RNPC3: variants seen among roughly 807,000 people sequenced by gnomAD.
The protein encoded by RNPC3 is RNA-binding region-containing protein 3.
In RNPC3, 48 loss-of-function variants were observed where a neutral mutation model predicts 67.5. The observed-to-expected ratio is 0.71, with a 90% CI of 0.56 to 0.90. The LOEUF (loss-of-function observed/expected upper bound fraction) is 0.90, where lower values mean the gene tolerates loss of function less well. Ranked by LOEUF, RNPC3 falls within the 40% of genes least tolerant of loss-of-function variation. The probability of loss-of-function intolerance (pLI) is 0.00; values close to 1 mark genes in which losing one functional copy is unlikely to be tolerated. For missense variants in RNPC3, 637 were observed against 626.1 expected (o/e 1.02, Z -0.19); for synonymous variants, 239 against 210.3 (o/e 1.14, Z -1.18).
At chr1:103,536,669 G>C (rs539931507) in intron 6 of RNPC3, among the ~76,000 whole-genome samples, 2 of 152,162 alleles carry the variant, frequency 1.3e-5, no homozygotes, top group African/African-American at 4.8e-5. Flanking sequence ...ATGAATAATA[G>C]CAATGCAAAA....
At chr1:103,549,356 T>C (rs1021862230) in intron 12 of RNPC3, among the ~76,000 whole-genome samples, 1 of 152,222 alleles carries the variant, frequency 6.6e-6, no homozygotes, top group Non-Finnish European at 1.5e-5. Flanking sequence ...TGTATTTTTT[T>C]AGATAGGTAT....
At chr1:103,527,605 T>C in intron 1 of RNPC3, 90 bp from the exon 2 acceptor site, 1 of 899,088 alleles carries the variant, frequency 1.1e-6, no homozygotes, top group Non-Finnish European at 1.8e-6. Context: ...TTTATTAACA[T>C]GTCACATTAC....
intron 12 of RNPC3, among the ~76,000 whole-genome samples, chr1:103,550,176 AATC>A (rs1350717128): frequency 6.6e-6 from 1 of 151,826 alleles, no homozygotes; most frequent in Non-Finnish European, 1.5e-5. Context: ...AAATAATAAT[AATC>A]ATAATAATAA....
At chr1:103,546,225 T>A in intron 10 of RNPC3, 23 bp from the exon 11 acceptor site, 1 of 1,118,158 alleles carries the variant, frequency 8.9e-7, no homozygotes, top group South Asian at 2.1e-5. Flanking sequence ...ATTTTATATC[T>A]TTGTTTTTTG....
chr1:103,541,992 G>T (rs528562413), intron 8 of RNPC3, among the ~76,000 whole-genome samples: 3 of 152,058 alleles, frequency 2.0e-5, no homozygotes, highest in African/African-American at 7.2e-5. Context: ...GGACTAACCC[G>T]AGTGCCTTTA....
Position 103,525,870 on chromosome 1 carries a change from C to A in RNPC3, c.-201C>A, listed in dbSNP as rs935897647. The A allele has an allele frequency of 2.2e-5, 12 of 547,554 alleles. No individual in the cohort carries two copies. Among genetic ancestry groups the A allele is most frequent in the East Asian group, 1.8e-4 (6 of 32,582 alleles). The allele number at this position is 547,554 out of a possible 1,614,324, so 33.9% of individuals were successfully genotyped here. ...TGGAATTTAAATCATTAGCACCGCGCCCTTCCCCGAAGAGTCTTCGAAGGG... is the reference window on the plus strand; with the variant it reads ...TGGAATTTAAATCATTAGCACCGCGACCTTCCCCGAAGAGTCTTCGAAGGG... On this transcript the variant is annotated 5_prime_UTR_variant, in exon 1 of 15. Coordinates refer to ENST00000423855, the MANE Select transcript of RNPC3 (RefSeq NM_017619.4).
intron 7 of RNPC3, 115 bp from the exon 8 acceptor site, chr1:103,541,235 C>A: frequency 2.9e-6 from 2 of 701,440 alleles, no homozygotes; most frequent in Non-Finnish European, 4.3e-6. Flanking sequence ...GTAAGTAAAT[C>A]ATTTTATAAT....
chr1:103,534,995 G>T, intron 4 of RNPC3, 138 bp downstream of exon 4: 1 of 541,626 alleles, frequency 1.8e-6, no homozygotes, highest in Non-Finnish European at 3.2e-6. Flanking sequence ...GTTATATACA[G>T]ATATCTTATT....
At position 103,541,964 on chromosome 1, in the gene RNPC3, A is replaced by G. The variant is rs142023369; in HGVS notation, c.893+489A>G. ...GTACCCAGCAGATAAAAATTCACAT[A>G]TCTTTACTTGGCACACAGGACTAAC... On this transcript the variant is annotated intron_variant, in intron 8 of 14. Coordinates refer to ENST00000423855, the MANE Select transcript of RNPC3 (RefSeq NM_017619.4). 3.4e-3 allele frequency among the ~76,000 whole-genome samples: 515 copies of G among 152,156 alleles called. 1 individual carries two copies. The highest frequency in any genetic ancestry group is 5.4e-3 in the Non-Finnish European group (367 of 67,890).
intron 12 of RNPC3, among the ~76,000 whole-genome samples, chr1:103,550,516 C>G (rs1651362315): frequency 6.6e-6 from 1 of 151,764 alleles, no homozygotes; most frequent in East Asian, 2.0e-4. Flanking sequence ...TGGCGGACAC[C>G]TGGAGCCCCA....
intron 3 of RNPC3, among the ~76,000 whole-genome samples, chr1:103,534,131 A>G (rs1650929326): frequency 6.6e-6 from 1 of 152,050 alleles, no homozygotes; most frequent in African/African-American, 2.4e-5. Context: ...ATGGAGGGAA[A>G]ATAACTAGTA....
Position 103,527,719 on chromosome 1 carries a change from C to T in RNPC3, c.217C>T (p.Pro73Ser), listed in dbSNP as rs1650753150. ...GAAACATACAGCTTTTGCCACATTC[C>T]CTAATGAAAAAGCAGCTATAAAGGT... ...RLKHTAFATFPNEKAAIKALT... is the reference protein window; with the variant it reads ...RLKHTAFATFSNEKAAIKALT... Residue 73 changes from proline (P) to serine (S), a missense_variant, in exon 2 of 15, where the codon CCT becomes TCT. Pro to Ser is a moderately conservative substitution (Grantham distance 74). Coordinates refer to ENST00000423855, the MANE Select transcript of RNPC3 (RefSeq NM_017619.4). 6.5e-7 allele frequency: 1 copy of T among 1,548,622 alleles called. No homozygotes were observed. The highest frequency in any genetic ancestry group is 8.7e-7 in the Non-Finnish European group (1 of 1,144,866).
At chr1:103,553,722 G>A (rs1386473942) in intron 14 of RNPC3, 1 of 152,110 alleles carries the variant, frequency 6.6e-6, no homozygotes, top group Non-Finnish European at 1.5e-5. Context: ...CAAAGGAAAT[G>A]TTTTTCTTTT....
chr1:103,526,308 G>A, intron 1 of RNPC3, 46 bp downstream of exon 1: 2 of 1,461,194 alleles, frequency 1.4e-6, no homozygotes, highest in Middle Eastern at 2.4e-4. Flanking sequence ...CATTTGGGAA[G>A]TGACCGGGGA....
In RNPC3 at chr1:103,537,502, T is replaced by A; in HGVS notation, c.767+18T>A. 6.6e-7 allele frequency: 1 copy of A among 1,526,338 alleles called. No individual in the cohort carries two copies. The highest frequency in any genetic ancestry group is 8.8e-7 in the Non-Finnish European group (1 of 1,140,924). 94.5% of individuals were successfully genotyped at this position (1,526,338 alleles called of 1,614,324 possible). A position where few individuals can be genotyped will look rare whatever the true frequency, so the allele number is the denominator to read the frequency against. ...CGACAGAGGTTTGTAACATGAAAAA[T>A]TTGTTTAGTTTCCAAGAAACATAGA... On this transcript the variant is annotated intron_variant, in intron 7 of 14. Transcript: ENST00000423855.
intron 13 of RNPC3, 158 bp downstream of exon 13, chr1:103,551,231 A>G: frequency 1.7e-6 from 1 of 598,990 alleles, no homozygotes; most frequent in Admixed American, 3.5e-5. Context: ...GTCAGATGAC[A>G]GTGTTATTTA....
At chr1:103,554,931 A>T (rs1372227185) in intron 14 of RNPC3, 103 bp from the exon 15 acceptor site, 1 of 152,182 alleles carries the variant, frequency 6.6e-6, no homozygotes, top group African/African-American at 2.4e-5. Context: ...TACTGACATG[A>T]TTCACTAATT....
At chr1:103,528,188 A>G (rs543410234) in intron 2 of RNPC3, among the ~76,000 whole-genome samples, 49 of 152,204 alleles carry the variant, frequency 3.2e-4, no homozygotes, top group Admixed American at 1.2e-3. Flanking sequence ...AGACATTGGA[A>G]GTTATAAGTG....
At chr1:103,549,045 T>A (rs1443314443) in intron 12 of RNPC3, among the ~76,000 whole-genome samples, 1 of 152,096 alleles carries the variant, frequency 6.6e-6, no homozygotes, top group African/African-American at 2.4e-5. Flanking sequence ...TATAATTCAA[T>A]CACCTTTCAC....
Sources: allele counts gnomAD v4.1 joint callset (sites outside exome capture counted in the v4.1 genomes callset), GRCh38; gene constraint gnomAD v4.1.1; transcripts MANE v1.5; gene names NCBI Gene and HGNC (gene_info 2026-07-23, HGNC 2026-07-21).